ALKBH8: variants seen among roughly 807,000 people sequenced by gnomAD.
ALKBH8 encodes the protein tRNA (carboxymethyluridine(34)-5-O)-methyltransferase ALKBH8.
In ALKBH8, 36 loss-of-function variants were observed where a neutral mutation model predicts 59.8. The observed-to-expected ratio is 0.60, with a 90% CI of 0.46 to 0.79. The LOEUF is 0.79. Among genes scored for constraint, ALKBH8 ranks in the 30% least tolerant of loss-of-function variants. ALKBH8 has a pLI of 0.00. For synonymous variants in ALKBH8, 276 were observed against 273.6 expected (o/e 1.01, Z -0.09); for missense variants, 768 against 801.0 (o/e 0.96, Z 0.50).
chr11:107,524,692 G>A (rs764521182), intron 9 of ALKBH8, among the ~76,000 whole-genome samples: 5 of 152,054 alleles, frequency 3.3e-5, no homozygotes, highest in Non-Finnish European at 4.4e-5. Flanking sequence ...GAAATTTCAA[G>A]TTTTCTAAAA....
chr11:107,549,626 G>A, intron 7 of ALKBH8, 127 bp downstream of exon 7: 1 of 633,676 alleles, frequency 1.6e-6, no homozygotes, highest in Middle Eastern at 2.7e-4. Context: ...AAACCAAAGT[G>A]CTAATGGTGC....
intron 3 of ALKBH8, among the ~76,000 whole-genome samples, chr11:107,556,173 G>C (rs1234376489): frequency 1.3e-5 from 2 of 152,162 alleles, no homozygotes; most frequent in Admixed American, 1.3e-4. Flanking sequence ...AGCTACTTAG[G>C]AGGCTGAGGC....
In ALKBH8 at chr11:107,522,418, T is replaced by C. The variant is rs1191166771; in HGVS notation, c.1168A>G (p.Arg390Gly). The C allele has an allele frequency of 6.4e-6, 10 of 1,551,800 alleles. No homozygotes were observed. In the East Asian group the frequency reaches 2.4e-4, roughly 38 times the overall value. The stretch of plus-strand genomic sequence containing the variant: ...ACAATGTGCGGCCAAGGGGTATGTC[T>C]TGTGCTGCTGAAGTGCCCAGCAATC... ...EEIAGHFSST[R>G]HTPWPHIVEF... is the part of the protein sequence containing the mutation. Residue 390 changes from arginine (R) to glycine (G), a missense_variant, in exon 10 of 12, where the codon AGA (arginine) becomes GGA (glycine). Coordinates refer to ENST00000428149, the MANE Select transcript of ALKBH8 (RefSeq NM_138775.3).
rs112964139 is a variant in ALKBH8 at position 107,555,269 on chromosome 11, TA to T, written c.368-1292del. Among the ~76,000 whole-genome samples, 207 of 151,624 alleles carry T rather than the reference TA, an allele frequency of 1.4e-3. 1 individual carries two copies. The highest frequency in any genetic ancestry group is 4.8e-3 in the African/African-American group (200 of 41,340). On this transcript the variant is annotated intron_variant, in intron 3 of 11. Transcript: ENST00000428149. ...AGCAGGACTCTGTCTCAAAAAAAAATAAAAAAAACTATTTGTGACACACTTC... is the reference window on the plus strand; with the variant it reads ...AGCAGGACTCTGTCTCAAAAAAAAATAAAAAAACTATTTGTGACACACTTC...
intron 8 of ALKBH8, among the ~76,000 whole-genome samples, chr11:107,530,749 G>A (rs1158653591): frequency 2.0e-5 from 3 of 152,086 alleles, no homozygotes; most frequent in East Asian, 1.9e-4. Flanking sequence ...ATTCCAGAGC[G>A]AACATTAAAA....
rs1863436791 is a variant in ALKBH8 at position 107,528,336 on chromosome 11, G to A, written c.879-2744C>T. Among the ~76,000 whole-genome samples the A allele has an allele frequency of 2.0e-5, 3 of 152,092 alleles. No homozygotes were observed. In the South Asian group the frequency reaches 6.2e-4, roughly 32 times the overall value. ...GCCAGCCTCATAAAACAAAGTAGGA[G>A]AATGGCTTTTTTATTATTATGATTA... On this transcript the variant is annotated intron_variant, in intron 8 of 11. Coordinates refer to ENST00000428149, the MANE Select transcript of ALKBH8 (RefSeq NM_138775.3).
intron 7 of ALKBH8, among the ~76,000 whole-genome samples, chr11:107,548,333 T>C (rs569353483): frequency 6.6e-6 from 1 of 152,328 alleles, no homozygotes; most frequent in South Asian, 2.1e-4. Flanking sequence ...TATTAACAAG[T>C]TCACTTGGCT....
At chr11:107,562,688 G>T (rs553255721) in intron 1 of ALKBH8, 2 of 152,270 alleles carry the variant, frequency 1.3e-5, no homozygotes, top group Admixed American at 1.3e-4. Context: ...CCTAGCACAG[G>T]GGGTACATAC....
At chr11:107,552,640 G>A (rs1864544581) in intron 5 of ALKBH8, among the ~76,000 whole-genome samples, 1 of 152,144 alleles carries the variant, frequency 6.6e-6, no homozygotes, top group South Asian at 2.1e-4. Flanking sequence ...GAATATGCTG[G>A]TACAACTGTT....
chr11:107,556,954 T>G lies in ALKBH8; in HGVS notation c.179A>C (p.Gln60Pro). The part of the protein sequence containing the change: ...GGLGNGVSRN[Q>P]LLPVLEKCGL... Reference sequence around the variant, plus strand: ...ACATTTCTCTAAAACCGGGAGCAGCTGGTTCCGACTCACACCATTACCCAA... The same window carrying G: ...ACATTTCTCTAAAACCGGGAGCAGCGGGTTCCGACTCACACCATTACCCAA... The change falls in exon 3 of 12, where the codon CAG becomes CCG. Residue 60 changes from glutamine to proline, a missense_variant. By Grantham distance (76) the Gln-to-Pro change is moderately conservative (BLOSUM62 -1). Coordinates refer to ENST00000428149, the MANE Select transcript of ALKBH8 (RefSeq NM_138775.3). 1.2e-6 allele frequency: 2 copies of G among 1,610,846 alleles called. No homozygotes were observed. Among genetic ancestry groups the G allele is most frequent in the African/African-American group, 2.7e-5 (2 of 74,794 alleles).
At chr11:107,522,089 A>G (rs567890733) in intron 10 of ALKBH8, among the ~76,000 whole-genome samples, 1 of 152,278 alleles carries the variant, frequency 6.6e-6, no homozygotes, top group Admixed American at 6.5e-5. Flanking sequence ...AGAAAGCAAA[A>G]TCTAAAGGGA....
rs1491477523 is a variant in ALKBH8 at position 107,530,600 on chromosome 11, A to AAAACAC, written c.878+1699_878+1700insGTGTTT. 3.8e-5 allele frequency among the ~76,000 whole-genome samples: 5 copies of AAAACAC among 132,102 alleles called. No homozygotes were observed. In the East Asian group the frequency reaches 1.1e-3, roughly 30 times the overall value. 86.7% of individuals were successfully genotyped at this position (132,102 alleles called of 152,430 possible). On this transcript the variant is annotated intron_variant, in intron 8 of 11. Transcript: ENST00000428149. ...CATTTCCCCATCTCTCTCTCTTCCT[A>AAAACAC]ACACACACACACACACACACACACA...
chr11:107,565,458 A>G, intron 1 of ALKBH8, 143 bp downstream of exon 1: 2 of 1,175,304 alleles, frequency 1.7e-6, no homozygotes, highest in East Asian at 5.1e-5. Context: ...CCCACACTGC[A>G]CCAAGGGCGC....
At chr11:107,561,800 G>A (rs563549637) in intron 1 of ALKBH8, among the ~76,000 whole-genome samples, 1 of 152,202 alleles carries the variant, frequency 6.6e-6, no homozygotes, top group Non-Finnish European at 1.5e-5. Flanking sequence ...ATATTTGATG[G>A]TAGGGCTAAA....
In ALKBH8 at chr11:107,503,609, G is replaced by A. The variant is rs1862260659; in HGVS notation, c.*1049C>T. 1.4e-5 allele frequency: 2 copies of A among 146,106 alleles called. No individual in the cohort carries two copies. The highest frequency in any genetic ancestry group is 1.3e-4 in the Admixed American group (2 of 14,880). 9.1% of individuals were successfully genotyped at this position (146,106 alleles called of 1,614,324 possible). ...GGTAAGTTAACTGGGTTACTATTAT[G>A]CAATATTGTACAGATCTTAAAAATA... is the stretch of plus-strand genomic sequence containing the variant. On this transcript the variant is annotated 3_prime_UTR_variant, in exon 12 of 12. Coordinates refer to ENST00000428149, the MANE Select transcript of ALKBH8 (RefSeq NM_138775.3).
intron 7 of ALKBH8, among the ~76,000 whole-genome samples, chr11:107,549,413 G>C (rs970582099): frequency 6.6e-6 from 1 of 151,982 alleles, no homozygotes; most frequent in Non-Finnish European, 1.5e-5. Context: ...TTTTTCTATG[G>C]CATGAAGCTA....
chr11:107,550,552 A>G (rs751391208), intron 6 of ALKBH8, among the ~76,000 whole-genome samples: 10 of 152,180 alleles, frequency 6.6e-5, no homozygotes, highest in Non-Finnish European at 1.0e-4. Flanking sequence ...TCTGTGCTCT[A>G]CAGGAACGGC....
At chr11:107,533,663 C>A (rs567806766) in intron 7 of ALKBH8, among the ~76,000 whole-genome samples, 1 of 152,076 alleles carries the variant, frequency 6.6e-6, no homozygotes, top group Non-Finnish European at 1.5e-5. Flanking sequence ...TGTATTGATA[C>A]CTGCAACCTT....
chr11:107,555,600 G>T (rs1191826083), intron 3 of ALKBH8, among the ~76,000 whole-genome samples: 3 of 152,104 alleles, frequency 2.0e-5, no homozygotes, highest in African/African-American at 7.2e-5. Context: ...TGAGCACTGA[G>T]AAATATAGTT....
Sources: allele counts gnomAD v4.1 joint callset (sites outside exome capture counted in the v4.1 genomes callset), GRCh38; gene constraint gnomAD v4.1.1; transcripts MANE v1.5; gene names NCBI Gene and HGNC (gene_info 2026-07-23, HGNC 2026-07-21).